BRMS1: variants seen among roughly 807,000 people sequenced by gnomAD.
The protein encoded by BRMS1 is breast cancer metastasis-suppressor 1.
BRMS1 carries 26 observed loss-of-function variants against 40.4 expected under a neutral mutation model. The ratio of observed to expected loss-of-function variants is 0.64; its 90% confidence interval spans 0.47 to 0.89. The LOEUF is 0.89. BRMS1 is among the 40% of genes least tolerant of loss of function. BRMS1 has a pLI of 0.00. For synonymous variants in BRMS1, 103 were observed against 116.0 expected, an observed-to-expected ratio of 0.89 and a Z score of 0.72; for missense variants, 289 against 309.4, an observed-to-expected ratio of 0.93 and a Z score of 0.49.
chr11:66,342,296 A>G, intron 1 of BRMS1, 55 bp from the exon 2 acceptor site: 1 of 1,595,148 alleles, frequency 6.3e-7, no homozygotes, highest in Non-Finnish European at 8.5e-7. Flanking sequence ...AGAGGGGGAA[A>G]GAGGCAGCAG....
rs1312843824 is a variant in BRMS1, at chr11:66,338,761, T to C, written c.653A>G (p.Gln218Arg). The C allele has an allele frequency of 6.3e-7, 1 of 1,583,138 alleles. No homozygotes were observed. Among genetic ancestry groups the C allele is most frequent in the East Asian group, 2.2e-5 (1 of 44,548 alleles). Reference protein sequence around the residue: ...VSGPYIVYMLQEIDILEDWTA... With the variant: ...VSGPYIVYMLREIDILEDWTA... ...CCAGTCCTCCAGGATGTCGATCTCTTGAAGCATGTACACGATGTATGGGCC... is the reference window on the plus strand; with the variant it reads ...CCAGTCCTCCAGGATGTCGATCTCTCGAAGCATGTACACGATGTATGGGCC... The change falls in exon 8 of 10, where the codon CAA becomes CGA. Residue 218 changes from glutamine (Q) to arginine (R), a missense_variant. Coordinates refer to ENST00000359957, the MANE Select transcript of BRMS1 (RefSeq NM_015399.4).
intron 8 of BRMS1, 27 bp downstream of exon 8, chr11:66,338,694 G>A (rs748302460): frequency 1.2e-6 from 2 of 1,612,812 alleles, no homozygotes; most frequent in South Asian, 2.2e-5. Flanking sequence ...AGGTGGGGCA[G>A]GTCACGTGGG....
In BRMS1 at chr11:66,338,797, G is replaced by A. The variant is rs771533950; in HGVS notation, c.629-12C>T. ...CACGATGTATGGGCCTGTGGTGGGG[G>A]TCAAGGAAGCCTAGTGGAGGTGGCA... On this transcript the variant is annotated splice_polypyrimidine_tract_variant and intron_variant, in intron 7 of 9. Transcript: ENST00000359957. The A allele has an allele frequency of 7.2e-6, 11 of 1,527,356 alleles. No homozygotes were observed. Among genetic ancestry groups the A allele is most frequent in the Middle Eastern group, 1.8e-4 (1 of 5,636 alleles). 94.6% of individuals were successfully genotyped at this position (1,527,356 alleles called of 1,614,324 possible). A position where few individuals can be genotyped will look rare whatever the true frequency, so the allele number is the denominator to read the frequency against.
In BRMS1 at chr11:66,341,682, G is replaced by C. The variant is rs1855080965; in HGVS notation, c.140-59C>G. 6 of 1,388,852 alleles carry C rather than the reference G, an allele frequency of 4.3e-6. No homozygotes were observed. In the Admixed American group the frequency reaches 1.0e-4, roughly 23 times the overall value. The allele number at this position is 1,388,852 out of a possible 1,614,324, so 86.0% of individuals were successfully genotyped here. On this transcript the variant is annotated intron_variant, in intron 2 of 9. Transcript: ENST00000359957. This position sits in a 1 kb window ranked among gnomAD's most constrained non-coding sequence, Gnocchi z 4.9. ...GGAGGAGTGGTGGGTACCCGCATGT[G>C]TGCATGTGCGTCCTGCATGTGTGTG...
Position 66,338,774 on chromosome 11 carries a change from C to A in BRMS1, c.640G>T (p.Val214Leu), listed in dbSNP as rs199579517. The A allele has an allele frequency of 6.4e-7, 1 of 1,566,762 alleles. No homozygotes were observed. The highest frequency in any genetic ancestry group is 8.7e-7 in the Non-Finnish European group (1 of 1,154,710). Residue 214 changes from valine (V) to leucine (L), a missense_variant, in exon 8 of 10, where the codon GTG (valine) becomes TTG (leucine). Val to Leu is a conservative substitution (Grantham distance 32). Coordinates refer to ENST00000359957, the MANE Select transcript of BRMS1 (RefSeq NM_015399.4). ...ATGTCGATCTCTTGAAGCATGTACA[C>A]GATGTATGGGCCTGTGGTGGGGGTC... is the stretch of plus-strand genomic sequence containing the variant. ...KAPLVSGPYI[V>L]YMLQEIDILE...
chr11:66,341,186 G>A lies in BRMS1; in HGVS notation c.358+20C>T. On this transcript the variant is annotated intron_variant, in intron 4 of 9. Coordinates refer to ENST00000359957, the MANE Select transcript of BRMS1 (RefSeq NM_015399.4). This position sits in a 1 kb window ranked among gnomAD's most constrained non-coding sequence, Gnocchi z 4.9. Reference sequence around the variant, plus strand: ...CCACGGGTTCTGGGAGGGGAAGAGGGTACAGAACCACCCACAGACCTGCCA... The same window carrying A: ...CCACGGGTTCTGGGAGGGGAAGAGGATACAGAACCACCCACAGACCTGCCA... 1 of 1,612,206 alleles carries A rather than the reference G, an allele frequency of 6.2e-7. No individual in the cohort carries two copies. The highest frequency in any genetic ancestry group is 8.5e-7 in the Non-Finnish European group (1 of 1,178,624).
At position 66,341,192 on chromosome 11, in the gene BRMS1, AACC is replaced by A. The variant is rs1406907810; in HGVS notation, c.358+11_358+13del. The A allele has an allele frequency of 4.3e-6, 7 of 1,611,842 alleles. No individual in the cohort carries two copies. The highest frequency in any genetic ancestry group is 2.7e-5 in the African/African-American group (2 of 74,836). The stretch of plus-strand genomic sequence containing the variant: ...GTTCTGGGAGGGGAAGAGGGTACAG[AACC>A]ACCCACAGACCTGCCACCTGAATGC... On this transcript the variant is annotated intron_variant, in intron 4 of 9. Coordinates refer to ENST00000359957, the MANE Select transcript of BRMS1 (RefSeq NM_015399.4). The surrounding 1 kb of genome is among the most constrained non-coding windows in gnomAD (Gnocchi z 4.9).
chr11:66,340,271 T>G, intron 6 of BRMS1, 58 bp from the exon 7 acceptor site: 1 of 1,472,566 alleles, frequency 6.8e-7, no homozygotes, highest in South Asian at 1.1e-5. Flanking sequence ...CTCCCTTTTC[T>G]GTAGCCTCTG....
rs200297342 is a variant in BRMS1 at position 66,340,776 on chromosome 11, G to A, written c.533C>T (p.Ser178Phe). The stretch of plus-strand genomic sequence containing the variant: ...GGTGCCCAGGCTCTCGCGCTTACCA[G>A]AGCTGAGGTCCAGGCTCTGGCGGTC... ...EEDRQSLDLS[S>F]EWWDDKLHAR... Residue 178 changes from serine to phenylalanine, a missense_variant and splice_region_variant, in exon 6 of 10, where the codon TCT becomes TTT. Ser to Phe is a radical substitution (Grantham distance 155, BLOSUM62 -2). Transcript: ENST00000359957. The A allele has an allele frequency of 1.1e-4, 175 of 1,611,232 alleles. No homozygotes were observed. Among genetic ancestry groups the A allele is most frequent in the Admixed American group, 5.8e-4 (35 of 59,966 alleles).
In BRMS1 at chr11:66,337,742, G is replaced by A; in HGVS notation, c.*140C>T. 6.2e-7 allele frequency: 1 copy of A among 1,612,830 alleles called. No homozygotes were observed. Among genetic ancestry groups the A allele is most frequent in the Non-Finnish European group, 8.5e-7 (1 of 1,179,680 alleles). ...GTCCAGGCCAGTGCCAGATGGAGTG[G>A]GAGGGCCCAGCAGCACCACAGGAGC... On this transcript the variant is annotated 3_prime_UTR_variant, in exon 10 of 10. Transcript: ENST00000359957.
In BRMS1 at chr11:66,337,854, A is replaced by G; in HGVS notation, c.*28T>C. 1 of 1,614,190 alleles carries G rather than the reference A, an allele frequency of 6.2e-7. No homozygotes were observed. The highest frequency in any genetic ancestry group is 2.2e-5 in the East Asian group (1 of 44,884). ...CCTGGGTGCAGTGCCAGCTGCTCTG[A>G]GGGTCCCCCTGGCTGTGAACAGCAG... On this transcript the variant is annotated 3_prime_UTR_variant, in exon 10 of 10. Coordinates refer to ENST00000359957, the MANE Select transcript of BRMS1 (RefSeq NM_015399.4).
At position 66,340,344 on chromosome 11, in the gene BRMS1, A is replaced by G. The variant is rs538331730; in HGVS notation, c.536-131T>C. On this transcript the variant is annotated intron_variant, in intron 6 of 9. Transcript: ENST00000359957. ...CCCATCACCACCCTGGGCTTGGGGT[A>G]GAAGCCCCTTAGGGCTGTTCAGGTC... 119 of 728,794 alleles carry G rather than the reference A, an allele frequency of 1.6e-4. No individual in the cohort carries two copies. In the South Asian group the frequency reaches 2.0e-3, roughly 12 times the overall value. 45.1% of individuals were successfully genotyped at this position (728,794 alleles called of 1,614,324 possible).
rs926420455 is a variant in BRMS1 at position 66,344,956 on chromosome 11, G to C, written c.-8+16C>G. On this transcript the variant is annotated intron_variant, in intron 1 of 9. Transcript: ENST00000359957. ...CCGGAGAGGGCGAACCAAAAGCCAT[G>C]CATGACGATACGCACCGCGGGGACT... is the stretch of plus-strand genomic sequence containing the variant. 6.6e-6 allele frequency: 1 copy of C among 152,294 alleles called. No individual in the cohort carries two copies. Among genetic ancestry groups the C allele is most frequent in the Non-Finnish European group, 1.5e-5 (1 of 68,068 alleles). 9.4% of individuals were successfully genotyped at this position (152,294 alleles called of 1,614,324 possible).
chr11:66,340,200 G>A lies in BRMS1; in HGVS notation c.549C>T (p.Asp183=). The stretch of plus-strand genomic sequence containing the variant: ...TGGAGCTGCCTCTGGCGTGCAGTTT[G>A]TCATCCCACCATTCTGCCCCGAGAC... ...SLDLSSEWWD[D]KLHARGSSRS... Residue 183 remains aspartate, a synonymous_variant, in exon 7 of 10, where the codon GAC becomes GAT. Transcript: ENST00000359957. 2 of 1,613,598 alleles carry A rather than the reference G, an allele frequency of 1.2e-6. No individual in the cohort carries two copies. Among genetic ancestry groups the A allele is most frequent in the Non-Finnish European group, 1.7e-6 (2 of 1,179,900 alleles).
At chr11:66,342,356 G>C in intron 1 of BRMS1, 115 bp from the exon 2 acceptor site, 2 of 1,364,526 alleles carry the variant, frequency 1.5e-6, no homozygotes, top group Non-Finnish European at 1.0e-6. Flanking sequence ...GGAAGTAACT[G>C]GCCTGGCCAC....
intron 1 of BRMS1, among the ~76,000 whole-genome samples, chr11:66,343,663 G>A (rs887449811): frequency 6.6e-6 from 1 of 152,188 alleles, no homozygotes; most frequent in Non-Finnish European, 1.5e-5. Context: ...GAAAGCAGCT[G>A]GGGGAACATG....
rs1282512144 is a variant in BRMS1 at position 66,341,771 on chromosome 11, CTG to C, written c.140-150_140-149del. On this transcript the variant is annotated intron_variant, in intron 2 of 9. Coordinates refer to ENST00000359957, the MANE Select transcript of BRMS1 (RefSeq NM_015399.4). The surrounding 1 kb of genome is among the most constrained non-coding windows in gnomAD (Gnocchi z 4.9). ...GCGCGTACATGCTTGTGTGAAGGGG[CTG>C]TGTGTGTGCGTGTGTGCTTGTGTGT... The C allele has an allele frequency of 1.6e-5, 12 of 771,452 alleles. No individual in the cohort carries two copies. The highest frequency in any genetic ancestry group is 3.4e-5 in the African/African-American group (2 of 58,020). 47.8% of individuals were successfully genotyped at this position (771,452 alleles called of 1,614,324 possible).
At position 66,342,177 on chromosome 11, in the gene BRMS1, C is replaced by G; in HGVS notation, c.58G>C (p.Ala20Pro). 6.2e-7 allele frequency: 1 copy of G among 1,613,892 alleles called. No individual in the cohort carries two copies. The highest frequency in any genetic ancestry group is 8.5e-7 in the Non-Finnish European group (1 of 1,180,030). The change falls in exon 2 of 10, where the codon GCT becomes CCT. Residue 20 changes from alanine to proline, a missense_variant. Transcript: ENST00000359957. ...TCCTCCTCCCCATTCATCTCAGCAG[C>G]AGAATCACCCTCTGCTTCCATCTCT... ...TEEMEAEGDS[A>P]AEMNGEEEES...
At chr11:66,338,973 A>G (rs1855005068) in intron 7 of BRMS1, among the ~76,000 whole-genome samples, 188 bp from the exon 8 acceptor site, 1 of 152,006 alleles carries the variant, frequency 6.6e-6, no homozygotes, top group Admixed American at 6.5e-5. Context: ...AACCAAGTCT[A>G]TGGAGGACAC....
Sources: gnomAD v4.1 joint callset for allele counts (sites outside exome capture counted in the v4.1 genomes callset) on GRCh38, gnomAD v4.1.1 for gene constraint, Gnocchi (gnomAD v3.1) non-coding constraint, MANE v1.5 for transcripts, NCBI Gene and HGNC (gene_info 2026-07-23, HGNC 2026-07-21) for gene names.